Variants in MAPKAP1 observed in about 807,000 individuals in gnomAD.
The protein encoded by MAPKAP1 is target of rapamycin complex 2 subunit MAPKAP1.
Under a neutral mutation model 65.7 loss-of-function variants are expected in MAPKAP1, and 20 were observed. That is an observed-to-expected ratio of 0.30 (90% confidence interval 0.21 to 0.44). The LOEUF is 0.44. Among genes scored for constraint, MAPKAP1 ranks in the 20% least tolerant of loss-of-function variants. The probability of loss-of-function intolerance (pLI) is 1.00; values close to 1 mark genes in which losing one functional copy is unlikely to be tolerated. For synonymous variants in MAPKAP1, 222 were observed against 244.3 expected (o/e 0.91, Z 0.85); for missense variants, 423 against 648.0 (o/e 0.65, Z 3.77).
At chr9:125,558,403 G>A (rs543454944) in intron 6 of MAPKAP1, among the ~76,000 whole-genome samples, 10 of 152,052 alleles carry the variant, frequency 6.6e-5, no homozygotes, top group South Asian at 2.1e-4. Flanking sequence ...GGGATGAAAC[G>A]GCCACCATGA....
chr9:125,694,579 A>G (rs1054963488), intron 1 of MAPKAP1, among the ~76,000 whole-genome samples: 7 of 152,192 alleles, frequency 4.6e-5, no homozygotes, highest in African/African-American at 1.7e-4. Flanking sequence ...TACAGAGAAA[A>G]TGTATGGAAA....
chr9:125,621,441 A>C (rs532902977), intron 4 of MAPKAP1, among the ~76,000 whole-genome samples: 2 of 152,318 alleles, frequency 1.3e-5, no homozygotes, highest in Non-Finnish European at 2.9e-5. Flanking sequence ...AGAATTTTCC[A>C]TATCTGTAAA....
intron 6 of MAPKAP1, 151 bp from the exon 7 acceptor site, chr9:125,543,319 T>C (rs976098366): frequency 3.4e-6 from 2 of 584,946 alleles, no homozygotes; most frequent in South Asian, 1.9e-5. Context: ...CAGGCTGGAG[T>C]GCAGTGGTGC....
At chr9:125,448,232 T>A (rs910584173) in intron 10 of MAPKAP1, among the ~76,000 whole-genome samples, 2 of 152,148 alleles carry the variant, frequency 1.3e-5, no homozygotes, top group African/African-American at 4.8e-5. Context: ...AAGGTAATGT[T>A]GGCAGGATGG....
At chr9:125,557,576 G>C (rs1830771806) in intron 6 of MAPKAP1, among the ~76,000 whole-genome samples, 1 of 152,018 alleles carries the variant, frequency 6.6e-6, no homozygotes. Context: ...TACTTACAAG[G>C]CATGATCCTA....
At chr9:125,547,075 T>A (rs1830446513) in intron 6 of MAPKAP1, among the ~76,000 whole-genome samples, 1 of 152,156 alleles carries the variant, frequency 6.6e-6, no homozygotes, top group Non-Finnish European at 1.5e-5. Flanking sequence ...TCAAGTCTCG[T>A]AACCACTGAA....
At chr9:125,695,438 G>A (rs893527047) in intron 1 of MAPKAP1, among the ~76,000 whole-genome samples, 3 of 152,138 alleles carry the variant, frequency 2.0e-5, no homozygotes, top group Non-Finnish European at 4.4e-5. Flanking sequence ...CTTTTCAGCT[G>A]TCATTGCAAA....
intron 1 of MAPKAP1, among the ~76,000 whole-genome samples, chr9:125,694,084 T>C (rs1835313129): frequency 6.6e-6 from 1 of 152,040 alleles, no homozygotes; most frequent in South Asian, 2.1e-4. Flanking sequence ...ATCCCAGCAC[T>C]TTGGGAGGCC....
intron 1 of MAPKAP1, among the ~76,000 whole-genome samples, chr9:125,673,220 G>T (rs898716351): frequency 1.6e-4 from 24 of 152,044 alleles, no homozygotes; most frequent in Admixed American, 6.6e-4. Context: ...TTGTGTTTTT[G>T]TTGTTGTTGT....
intron 10 of MAPKAP1, among the ~76,000 whole-genome samples, chr9:125,465,763 C>A (rs1021285012): frequency 9.2e-5 from 14 of 152,086 alleles, no homozygotes; most frequent in African/African-American, 3.1e-4. Context: ...AAATACAGCA[C>A]AAAGGGGTAT....
intron 3 of MAPKAP1, among the ~76,000 whole-genome samples, chr9:125,668,923 C>T (rs953566268): frequency 3.3e-5 from 5 of 152,220 alleles, no homozygotes; most frequent in African/African-American, 1.2e-4. Flanking sequence ...GTGGCTCACG[C>T]CTATAATCCC....
At chr9:125,687,228 G>A (rs1404328222) in intron 1 of MAPKAP1, among the ~76,000 whole-genome samples, 2 of 150,274 alleles carry the variant, frequency 1.3e-5, no homozygotes, top group Non-Finnish European at 2.9e-5. Flanking sequence ...TATCATAAAA[G>A]AAACTAATAT....
chr9:125,689,858 GGGCGGGTCACCTGA>G (rs1835114473), intron 1 of MAPKAP1, among the ~76,000 whole-genome samples: 1 of 148,632 alleles, frequency 6.7e-6, no homozygotes. Flanking sequence ...AGGCCGAGGT[GGGCGGGTCACCTGA>G]GGTCAAGAGT....
chr9:125,568,964 C>T (rs903327373), intron 5 of MAPKAP1: 26 of 168,336 alleles, frequency 1.5e-4, no homozygotes, highest in African/African-American at 6.0e-4. Context: ...TTGATTAATG[C>T]GAAAAAGAAT....
At chr9:125,464,097 C>T (rs919422891) in intron 10 of MAPKAP1, among the ~76,000 whole-genome samples, 1 of 149,366 alleles carries the variant, frequency 6.7e-6, no homozygotes, top group Non-Finnish European at 1.5e-5. Flanking sequence ...GACATGGTGG[C>T]GCATGCCTGT....
At chr9:125,471,314 C>T (rs568660363) in intron 9 of MAPKAP1, 5 of 152,634 alleles carry the variant, frequency 3.3e-5, no homozygotes, top group African/African-American at 1.2e-4. Flanking sequence ...CTTCGGAGCC[C>T]TCGGTAGTCT....
chr9:125,545,823 G>A (rs1444475589), intron 6 of MAPKAP1, among the ~76,000 whole-genome samples: 1 of 152,102 alleles, frequency 6.6e-6, no homozygotes, highest in African/African-American at 2.4e-5. Flanking sequence ...AGCAAGCAGA[G>A]GAAATCCCTG....
intron 3 of MAPKAP1, among the ~76,000 whole-genome samples, chr9:125,667,581 T>G (rs945287312): frequency 2.6e-5 from 4 of 152,118 alleles, no homozygotes; most frequent in Non-Finnish European, 1.5e-5. Context: ...CTGGCTAATT[T>G]TTTGTATTTT....
chr9:125,679,169 G>A (rs1403957328), intron 1 of MAPKAP1, among the ~76,000 whole-genome samples: 1 of 151,958 alleles, frequency 6.6e-6, no homozygotes, highest in Non-Finnish European at 1.5e-5. Flanking sequence ...GCCCCACTAA[G>A]TTTTGTATTT....
Sources: gnomAD v4.1 joint callset for allele counts (sites outside exome capture counted in the v4.1 genomes callset) on GRCh38, gnomAD v4.1.1 for gene constraint, MANE v1.5 for transcripts, NCBI Gene and HGNC (gene_info 2026-07-23, HGNC 2026-07-21) for gene names.